The following ARMC6 variants were observed in gnomAD, a reference collection of about 807,000 sequenced individuals.
ARMC6 encodes the protein armadillo repeat containing 6.
Under a neutral mutation model 49.2 loss-of-function variants are expected in ARMC6, and 43 were observed. The observed-to-expected ratio is 0.87, with a 90% CI of 0.69 to 1.13. The LOEUF (loss-of-function observed/expected upper bound fraction) is 1.13, where lower values mean the gene tolerates loss of function less well. Ranked by LOEUF, ARMC6 falls within the 50% of genes most tolerant of loss-of-function variation. ARMC6 has a pLI of 0.00. For missense variants in ARMC6, 627 were observed against 682.0 expected (o/e 0.92, Z 0.90); for synonymous variants, 262 against 289.6 (o/e 0.90, Z 0.97).
intron 8 of ARMC6, among the ~76,000 whole-genome samples, chr19:19,057,210 T>G (rs1418611196): frequency 6.6e-6 from 1 of 152,246 alleles, no homozygotes; most frequent in Non-Finnish European, 1.5e-5. Flanking sequence ...CTGAGCCTGT[T>G]TCCTTGCCTG....
At position 19,054,162 on chromosome 19, in the gene ARMC6, T is replaced by C. The variant is rs768008307; in HGVS notation, c.864T>C (p.Asp288=). The change falls in exon 6 of 9, where the codon GAT becomes GAC. Residue 288 remains aspartate, a synonymous_variant. Transcript: ENST00000535612. Reference sequence around the variant, plus strand: ...CCTTTCTCCCTGCAGCGTTCCTGGATAACCCTGGCATCCTGAGCGAGCTCT... The same window carrying C: ...CCTTTCTCCCTGCAGCGTTCCTGGACAACCCTGGCATCCTGAGCGAGCTCT... The part of the protein sequence containing the change: ...VLIEATKAFL[D]NPGILSELCG... 1.9e-6 allele frequency: 3 copies of C among 1,579,766 alleles called. No individual in the cohort carries two copies. Among genetic ancestry groups the C allele is most frequent in the Non-Finnish European group, 2.6e-6 (3 of 1,162,406 alleles).
intron 2 of ARMC6, among the ~76,000 whole-genome samples, chr19:19,035,506 C>T (rs192427823): frequency 1.4e-4 from 22 of 152,340 alleles, no homozygotes; most frequent in African/African-American, 5.1e-4. Flanking sequence ...TTATGTGTTC[C>T]AAATCTGTAC....
intron 2 of ARMC6, among the ~76,000 whole-genome samples, chr19:19,037,161 G>A (rs2059376645): frequency 1.3e-5 from 2 of 152,086 alleles, no homozygotes; most frequent in Admixed American, 6.6e-5. Context: ...TTCCAACCTG[G>A]GCGACAGAGC....
In ARMC6 at chr19:19,057,959, A is replaced by G; in HGVS notation, c.*331A>G. On this transcript the variant is annotated 3_prime_UTR_variant, in exon 9 of 9. Coordinates refer to ENST00000535612, the MANE Select transcript of ARMC6 (RefSeq NM_001199196.2). ...CTGCCCTGTCTGAAATGTGGCAGCC[A>G]CTGTGGGCCAGGCTCAGGGCAGGGC... 1 of 414,880 alleles carries G rather than the reference A, an allele frequency of 2.4e-6. No individual in the cohort carries two copies. The highest frequency in any genetic ancestry group is 2.1e-5 in the South Asian group (1 of 46,928). The allele number at this position is 414,880 out of a possible 1,614,324, so 25.7% of individuals were successfully genotyped here.
intron 5 of ARMC6, 82 bp downstream of exon 5, chr19:19,052,277 T>A: frequency 7.6e-7 from 1 of 1,320,564 alleles, no homozygotes; most frequent in Non-Finnish European, 1.0e-6. Flanking sequence ...GGCTCAGGAC[T>A]GCTTTAGGCA....
At chr19:19,045,297 G>A (rs931837810) in intron 4 of ARMC6, among the ~76,000 whole-genome samples, 1 of 152,160 alleles carries the variant, frequency 6.6e-6, no homozygotes, top group Non-Finnish European at 1.5e-5. Context: ...ACAGGCATGG[G>A]CCACAGTGCC....
rs2059537660 is a variant in ARMC6, at chr19:19,055,635, C to G, written c.1156-156C>G. ...GCCCTTGTCACCCCTAAGAGCTGAGCTGATATTTTTGTCACCCTGCCATTA... is the reference window on the plus strand; with the variant it reads ...GCCCTTGTCACCCCTAAGAGCTGAGGTGATATTTTTGTCACCCTGCCATTA... On this transcript the variant is annotated intron_variant, in intron 7 of 8. Coordinates refer to ENST00000535612, the MANE Select transcript of ARMC6 (RefSeq NM_001199196.2). This position sits in a 1 kb window ranked among gnomAD's most constrained non-coding sequence, Gnocchi z 5.7. 6.6e-6 allele frequency among the ~76,000 whole-genome samples: 1 copy of G among 152,186 alleles called. No homozygotes were observed. The highest frequency in any genetic ancestry group is 1.5e-5 in the Non-Finnish European group (1 of 68,030).
chr19:19,043,165 C>T (rs571754027), intron 3 of ARMC6, among the ~76,000 whole-genome samples: 5 of 152,328 alleles, frequency 3.3e-5, no homozygotes, highest in Admixed American at 2.0e-4. Flanking sequence ...GAAACAGGGC[C>T]CCTGCCTCCC....
At position 19,055,137 on chromosome 19, in the gene ARMC6, G is replaced by A. The variant is rs993645263; in HGVS notation, c.1024-128G>A. 22 of 1,255,238 alleles carry A rather than the reference G, an allele frequency of 1.8e-5. No individual in the cohort carries two copies. The highest frequency in any genetic ancestry group is 5.6e-4 in the Middle Eastern group (2 of 3,546). 77.8% of individuals were successfully genotyped at this position (1,255,238 alleles called of 1,614,324 possible). ...CCACAGGCATCTGCCACCCCTTCTC[G>A]TTAGTCACACCCTGCAGTCACACCA... is the stretch of plus-strand genomic sequence containing the variant. On this transcript the variant is annotated intron_variant, in intron 6 of 8. Coordinates refer to ENST00000535612, the MANE Select transcript of ARMC6 (RefSeq NM_001199196.2). This position sits in a 1 kb window ranked among gnomAD's most constrained non-coding sequence, Gnocchi z 5.7.
At chr19:19,046,955 CTTTTTTT>C (rs1405584876) in intron 4 of ARMC6, among the ~76,000 whole-genome samples, 3 of 71,086 alleles carry the variant, frequency 4.2e-5, no homozygotes, top group African/African-American at 9.8e-5. Context: ...TTTTCTATTT[CTTTTTTT>C]TTTTTTTTTG....
In ARMC6 at chr19:19,057,422, G is replaced by A. The variant is rs1314122401; in HGVS notation, c.1300G>A (p.Ala434Thr). Residue 434 changes from alanine to threonine, a missense_variant, in exon 9 of 9, where the codon GCT becomes ACT. By Grantham distance (58) the Ala-to-Thr change is moderately conservative. Coordinates refer to ENST00000535612, the MANE Select transcript of ARMC6 (RefSeq NM_001199196.2). The stretch of plus-strand genomic sequence containing the variant: ...CAGCTGCTCTCTCCTACAGAAACAG[G>A]CTTGCATGCTGATCCGAAACCTGGT... ...HPQKAGVQKQ[A>T]CMLIRNLVAH... The A allele has an allele frequency of 6.2e-7, 1 of 1,612,692 alleles. No individual in the cohort carries two copies. Among genetic ancestry groups the A allele is most frequent in the East Asian group, 2.2e-5 (1 of 44,900 alleles).
Position 19,042,848 on chromosome 19 carries a change from A to G in ARMC6, c.167A>G (p.Lys56Arg), listed in dbSNP as rs752212462. 1 of 1,613,960 alleles carries G rather than the reference A, an allele frequency of 6.2e-7. No individual in the cohort carries two copies. Among genetic ancestry groups the G allele is most frequent in the Admixed American group, 1.7e-5 (1 of 60,016 alleles). The change falls in exon 3 of 9, where the codon AAA (lysine) becomes AGA (arginine). Residue 56 changes from lysine (K) to arginine (R), a missense_variant. Transcript: ENST00000535612. ...EFAMGPEEAV[K>R]EAVEQFESQG... ...GCGATGGGGCCAGAGGAGGCAGTGAAAGAGGCCGTGGAGCAGTTTGAATCG... is the reference window on the plus strand; with the variant it reads ...GCGATGGGGCCAGAGGAGGCAGTGAGAGAGGCCGTGGAGCAGTTTGAATCG...
chr19:19,057,721 G>A lies in ARMC6; in HGVS notation c.*93G>A, dbSNP rs368045190. On this transcript the variant is annotated 3_prime_UTR_variant, in exon 9 of 9. Transcript: ENST00000535612. ...TCCTCCACTGTCCCCCATTAGTTCT[G>A]TCCCCTTCACAATGAGAAGTGTTTT... 250 of 1,303,686 alleles carry A rather than the reference G, an allele frequency of 1.9e-4. No individual in the cohort carries two copies. The highest frequency in any genetic ancestry group is 2.6e-4 in the Non-Finnish European group (234 of 912,828). 80.8% of individuals were successfully genotyped at this position (1,303,686 alleles called of 1,614,324 possible). A position where few individuals can be genotyped will look rare whatever the true frequency, so the allele number is the denominator to read the frequency against.
In ARMC6 at chr19:19,055,593, A is replaced by G. The variant is rs1568497840; in HGVS notation, c.1155+197A>G. Among the ~76,000 whole-genome samples the G allele has an allele frequency of 2.6e-5, 4 of 152,142 alleles. No homozygotes were observed. The highest frequency in any genetic ancestry group is 1.3e-4 in the Admixed American group (2 of 15,284). Reference sequence around the variant, plus strand: ...GAGTTACCACCAGCACCCTGCAAAGATCTGACCAGGCCTATTGCCCTTGTC... The same window carrying G: ...GAGTTACCACCAGCACCCTGCAAAGGTCTGACCAGGCCTATTGCCCTTGTC... On this transcript the variant is annotated intron_variant, in intron 7 of 8. Transcript: ENST00000535612. This position sits in a 1 kb window ranked among gnomAD's most constrained non-coding sequence, Gnocchi z 5.7.
At chr19:19,037,629 G>T in intron 2 of ARMC6, 1 of 1,239,578 alleles carries the variant, frequency 8.1e-7, no homozygotes, top group South Asian at 1.3e-5. Flanking sequence ...GCCTCCCAAA[G>T]TGCAGGCCAC....
intron 4 of ARMC6, among the ~76,000 whole-genome samples, chr19:19,045,430 C>T (rs145837677): frequency 6.0e-4 from 90 of 149,592 alleles, no homozygotes; most frequent in African/African-American, 2.0e-3. Context: ...ATAACAATAT[C>T]GTCTATATTG....
chr19:19,057,527 C>T lies in ARMC6; in HGVS notation c.1405C>T (p.Arg469Cys), dbSNP rs769148025. 19 of 1,613,962 alleles carry T rather than the reference C, an allele frequency of 1.2e-5. No individual in the cohort carries two copies. The highest frequency in any genetic ancestry group is 5.3e-5 in the African/African-American group (4 of 74,942). The change falls in exon 9 of 9, where the codon CGT (arginine) becomes TGT (cysteine). Residue 469 changes from arginine to cysteine, a missense_variant. Physicochemically the swap from Arg to Cys is radical, Grantham distance 180 (BLOSUM62 -3). Coordinates refer to ENST00000535612, the MANE Select transcript of ARMC6 (RefSeq NM_001199196.2). Reference protein sequence around the residue: ...ALIMQARSAHRDCEDVAKAAL... With the variant: ...ALIMQARSAHCDCEDVAKAAL... Reference sequence around the variant, plus strand: ...CATCATGCAGGCCCGATCTGCCCACCGTGACTGTGAGGACGTGGCCAAGGC... The same window carrying T: ...CATCATGCAGGCCCGATCTGCCCACTGTGACTGTGAGGACGTGGCCAAGGC...
At chr19:19,053,788 G>A (rs2059519680) in intron 5 of ARMC6, among the ~76,000 whole-genome samples, 1 of 151,458 alleles carries the variant, frequency 6.6e-6, no homozygotes, top group South Asian at 2.1e-4. Flanking sequence ...GGAGTTTCCT[G>A]TTGCACTTAG....
At position 19,055,992 on chromosome 19, in the gene ARMC6, G is replaced by A; in HGVS notation, c.1293+64G>A. ...GGGATGTGCAGGTAGGTGCAGAGAG[G>A]GCATGGGAGCAGGTGCGGTGTGCGG... On this transcript the variant is annotated intron_variant, in intron 8 of 8. Coordinates refer to ENST00000535612, the MANE Select transcript of ARMC6 (RefSeq NM_001199196.2). This position sits in a 1 kb window ranked among gnomAD's most constrained non-coding sequence, Gnocchi z 5.7. 1.9e-6 allele frequency: 3 copies of A among 1,541,134 alleles called. No homozygotes were observed. The highest frequency in any genetic ancestry group is 2.6e-6 in the Non-Finnish European group (3 of 1,144,004).
Sources: allele counts gnomAD v4.1 joint callset (sites outside exome capture counted in the v4.1 genomes callset), GRCh38; gene constraint gnomAD v4.1.1; non-coding constraint Gnocchi (gnomAD v3.1); transcripts MANE v1.5; gene names NCBI Gene and HGNC (gene_info 2026-07-23, HGNC 2026-07-21).